Variants in SLC43A2 observed in about 807,000 individuals in gnomAD.
SLC43A2 encodes the protein large neutral amino acids transporter small subunit 4.
Under a neutral mutation model 63.2 loss-of-function variants are expected in SLC43A2, and 38 were observed. The ratio of observed to expected loss-of-function variants is 0.60; its 90% CI spans 0.46 to 0.79. The LOEUF (loss-of-function observed/expected upper bound fraction) is 0.79, where lower values mean the gene tolerates loss of function less well. Among genes scored for constraint, SLC43A2 ranks in the 30% least tolerant of loss-of-function variants. The probability of loss-of-function intolerance (pLI) is 0.00; values close to 1 mark genes in which losing one functional copy is unlikely to be tolerated. For synonymous variants in SLC43A2, 322 were observed against 331.0 expected, an observed-to-expected ratio of 0.97 and a Z score of 0.30; for missense variants, 644 against 756.2, an observed-to-expected ratio of 0.85 and a Z score of 1.74.
chr17:1,601,596 C>T (rs749432703), intron 5 of SLC43A2, among the ~76,000 whole-genome samples: 1 of 151,012 alleles, frequency 6.6e-6, no homozygotes, highest in Non-Finnish European at 1.5e-5. Context: ...GATGCAAAGG[C>T]GCTACTGAGC....
intron 5 of SLC43A2, among the ~76,000 whole-genome samples, chr17:1,597,403 G>C (rs980288701): frequency 7.9e-5 from 12 of 151,710 alleles, no homozygotes; most frequent in African/African-American, 2.7e-4. Flanking sequence ...TACTTGGGAG[G>C]CTGAGGCAGG....
At position 1,603,579 on chromosome 17, in the gene SLC43A2, T is replaced by A. The variant is rs571496624; in HGVS notation, c.501+9616A>T. On this transcript the variant is annotated intron_variant, in intron 5 of 13. Coordinates refer to ENST00000301335, the MANE Select transcript of SLC43A2 (RefSeq NM_152346.3). ...GCAGGGGATCACCTGAGGTCAGGAGTTCGAGACCAGCCTGGCCAATACGGT... is the reference window on the plus strand; with the variant it reads ...GCAGGGGATCACCTGAGGTCAGGAGATCGAGACCAGCCTGGCCAATACGGT... Among the ~76,000 whole-genome samples, 7 of 151,932 alleles carry A rather than the reference T, an allele frequency of 4.6e-5. No individual in the cohort carries two copies. The East Asian group carries it at 1.4e-3, about 29-fold the overall frequency.
intron 5 of SLC43A2, among the ~76,000 whole-genome samples, chr17:1,610,083 TG>T (rs1906962040): frequency 6.6e-6 from 1 of 151,554 alleles, no homozygotes; most frequent in Admixed American, 6.6e-5. Flanking sequence ...GTAATATTTT[TG>T]TATTTTTAGT....
upstream of SLC43A2, among the ~76,000 whole-genome samples, chr17:1,629,883 G>A (rs1370466874): frequency 1.3e-5 from 2 of 152,204 alleles, no homozygotes; most frequent in African/African-American, 2.4e-5. Flanking sequence ...AACCCGACCC[G>A]GGAAGACCCT....
rs1477474618 is a variant in SLC43A2 at position 1,605,129 on chromosome 17, C to A, written c.501+8066G>T. 1 of 1,294,594 alleles carries A rather than the reference C, an allele frequency of 7.7e-7. No individual in the cohort carries two copies. Among genetic ancestry groups the A allele is most frequent in the African/African-American group, 1.5e-5 (1 of 66,040 alleles). 80.2% of individuals were successfully genotyped at this position (1,294,594 alleles called of 1,614,324 possible). On this transcript the variant is annotated intron_variant, in intron 5 of 13. Transcript: ENST00000301335. The surrounding 1 kb of genome is among the most constrained non-coding windows in gnomAD (Gnocchi z 4.9). ...TCCCGCCCTCAGGTGCTTCCCACAG[C>A]CCCCTCGCCGCCTCTGCCTCCGTGC...
At position 1,578,148 on chromosome 17, in the gene SLC43A2, G is replaced by C; in HGVS notation, c.1424+102C>G. On this transcript the variant is annotated intron_variant, in intron 12 of 13. Coordinates refer to ENST00000301335, the MANE Select transcript of SLC43A2 (RefSeq NM_152346.3). The surrounding 1 kb of genome is among the most constrained non-coding windows in gnomAD (Gnocchi z 6.5). ...GAAGCAGGAAGATGAGCCCTTCTGG[G>C]ACAGGCTGACCCTGCCTCAGAGTCT... 5.1e-6 allele frequency: 6 copies of C among 1,187,126 alleles called. No individual in the cohort carries two copies. The highest frequency in any genetic ancestry group is 7.3e-6 in the Non-Finnish European group (6 of 817,682). The allele number at this position is 1,187,126 out of a possible 1,614,324, so 73.5% of individuals were successfully genotyped here.
Position 1,583,416 on chromosome 17 carries a change from G to C in SLC43A2, c.1218-80C>G. 1 of 1,583,250 alleles carries C rather than the reference G, an allele frequency of 6.3e-7. No individual in the cohort carries two copies. Among genetic ancestry groups the C allele is most frequent in the Non-Finnish European group, 8.6e-7 (1 of 1,162,718 alleles). ...GCTCCTGAGAAGTCAGGCCTCAAGC[G>C]TCGCAGCAGGTAAACTGACGCAAGA... On this transcript the variant is annotated intron_variant, in intron 10 of 13. Coordinates refer to ENST00000301335, the MANE Select transcript of SLC43A2 (RefSeq NM_152346.3). This position sits in a 1 kb window ranked among gnomAD's most constrained non-coding sequence, Gnocchi z 5.5.
chr17:1,580,470 C>T (rs562546788), intron 11 of SLC43A2, among the ~76,000 whole-genome samples: 3 of 152,340 alleles, frequency 2.0e-5, no homozygotes, highest in African/African-American at 7.2e-5. Flanking sequence ...CAAGCCTGGT[C>T]ACCCGGCCCT....
In SLC43A2 at chr17:1,575,004, A is replaced by G. The variant is rs1455202243; in HGVS notation, c.*600T>C. The G allele has an allele frequency of 6.3e-6, 1 of 158,132 alleles. No individual in the cohort carries two copies. Among genetic ancestry groups the G allele is most frequent in the African/African-American group, 2.4e-5 (1 of 41,462 alleles). The allele number at this position is 158,132 out of a possible 1,614,324, so 9.8% of individuals were successfully genotyped here. Reference sequence around the variant, plus strand: ...GCCCGCTAAACCCTCTCCAGGGCATAAGCCAGGTGGGGCTTCTCCACCGGC... The same window carrying G: ...GCCCGCTAAACCCTCTCCAGGGCATGAGCCAGGTGGGGCTTCTCCACCGGC... On this transcript the variant is annotated 3_prime_UTR_variant, in exon 14 of 14. Coordinates refer to ENST00000301335, the MANE Select transcript of SLC43A2 (RefSeq NM_152346.3).
rs1555541181 is a variant in SLC43A2, at chr17:1,600,152, ATTT to A, written c.502-6876_502-6874del. Reference sequence around the variant, plus strand: ...ATTAATTGAATATATATATATATATATTTTTTTTTTTTTTTTGAGACGGAGTCT... The same window carrying A: ...ATTAATTGAATATATATATATATATATTTTTTTTTTTTTGAGACGGAGTCT... On this transcript the variant is annotated intron_variant, in intron 5 of 13. Coordinates refer to ENST00000301335, the MANE Select transcript of SLC43A2 (RefSeq NM_152346.3). Among the ~76,000 whole-genome samples the A allele has an allele frequency of 2.5e-3, 152 of 60,262 alleles. 1 individual carries two copies. Among genetic ancestry groups the A allele is most frequent in the African/African-American group, 7.8e-3 (146 of 18,632 alleles). 39.5% of individuals were successfully genotyped at this position (60,262 alleles called of 152,430 possible). A position where few individuals can be genotyped will look rare whatever the true frequency, so the allele number is the denominator to read the frequency against.
rs2076059864 is a variant in SLC43A2 at position 1,583,956 on chromosome 17, T to C, written c.1218-620A>G. ...TGTCACCCGGGCTGGAGTGCAGTGGTGTGATCTCGGCTCATTGCCACCTCT... is the reference window on the plus strand; with the variant it reads ...TGTCACCCGGGCTGGAGTGCAGTGGCGTGATCTCGGCTCATTGCCACCTCT... On this transcript the variant is annotated intron_variant, in intron 10 of 13. Transcript: ENST00000301335. This position sits in a 1 kb window ranked among gnomAD's most constrained non-coding sequence, Gnocchi z 5.5. Among the ~76,000 whole-genome samples, 1 of 152,096 alleles carries C rather than the reference T, an allele frequency of 6.6e-6. No individual in the cohort carries two copies. The highest frequency in any genetic ancestry group is 2.1e-4 in the South Asian group (1 of 4,814).
At chr17:1,603,582 G>A (rs1251614380) in intron 5 of SLC43A2, among the ~76,000 whole-genome samples, 4 of 151,418 alleles carry the variant, frequency 2.6e-5, no homozygotes, top group African/African-American at 2.4e-5. Flanking sequence ...TCAGGAGTTC[G>A]AGACCAGCCT....
rs891520836 is a variant in SLC43A2 at position 1,593,623 on chromosome 17, G to A, written c.502-344C>T. Among the ~76,000 whole-genome samples, 9 of 152,162 alleles carry A rather than the reference G, an allele frequency of 5.9e-5. No homozygotes were observed. Among genetic ancestry groups the A allele is most frequent in the Admixed American group, 3.3e-4 (5 of 15,268 alleles). On this transcript the variant is annotated intron_variant, in intron 5 of 13. Transcript: ENST00000301335. This position sits in a 1 kb window ranked among gnomAD's most constrained non-coding sequence, Gnocchi z 5.3. ...CCAGAGAACAAAGTTATGAGCCTCAGGCAGCCCTCAAAGGGAGAAAGCCTG... is the reference window on the plus strand; with the variant it reads ...CCAGAGAACAAAGTTATGAGCCTCAAGCAGCCCTCAAAGGGAGAAAGCCTG...
At chr17:1,588,493 C>A (rs1368605922) in intron 9 of SLC43A2, among the ~76,000 whole-genome samples, 1 of 151,008 alleles carries the variant, frequency 6.6e-6, no homozygotes, top group East Asian at 1.9e-4. Flanking sequence ...GAGTTTGAGA[C>A]CAGCCTGGGA....
chr17:1,581,806 GTTTTTTTT>G (rs926906202), intron 11 of SLC43A2, among the ~76,000 whole-genome samples: 6 of 140,750 alleles, frequency 4.3e-5, no homozygotes, highest in Admixed American at 7.2e-5. Flanking sequence ...AAGAAATTCA[GTTTTTTTT>G]TTTTTTTTTG....
At position 1,578,397 on chromosome 17, in the gene SLC43A2, TG is replaced by T. The variant is rs1314660172; in HGVS notation, c.1351-75del. 7.0e-6 allele frequency: 10 copies of T among 1,432,560 alleles called. No homozygotes were observed. The highest frequency in any genetic ancestry group is 3.9e-6 in the Non-Finnish European group (4 of 1,036,954). The allele number at this position is 1,432,560 out of a possible 1,614,324, so 88.7% of individuals were successfully genotyped here. On this transcript the variant is annotated intron_variant, in intron 11 of 13. Coordinates refer to ENST00000301335, the MANE Select transcript of SLC43A2 (RefSeq NM_152346.3). The surrounding 1 kb of genome is among the most constrained non-coding windows in gnomAD (Gnocchi z 6.5). ...CCCTCAGCCCCCGCCCTCCAATTCC[TG>T]GGGGCCCTCACCCCAGGGGCAGTGT...
At chr17:1,615,507 A>G (rs1368821157) in intron 3 of SLC43A2, among the ~76,000 whole-genome samples, 1 of 151,068 alleles carries the variant, frequency 6.6e-6, no homozygotes, top group Non-Finnish European at 1.5e-5. Flanking sequence ...TGCTTGGGCA[A>G]CAACAGCAAA....
Position 1,573,414 on chromosome 17 carries a change from C to G in SLC43A2, c.*2190G>C, listed in dbSNP as rs1471024476. 2 of 152,266 alleles carry G rather than the reference C, an allele frequency of 1.3e-5. No homozygotes were observed. Among genetic ancestry groups the G allele is most frequent in the African/African-American group, 4.8e-5 (2 of 41,440 alleles). 9.4% of individuals were successfully genotyped at this position (152,266 alleles called of 1,614,324 possible). A position where few individuals can be genotyped will look rare whatever the true frequency, so the allele number is the denominator to read the frequency against. Reference sequence around the variant, plus strand: ...GGTGGCTCTGATGGTTCGAGCCGTTCCTCGGCAGCACAGCACACCCGCTCC... The same window carrying G: ...GGTGGCTCTGATGGTTCGAGCCGTTGCTCGGCAGCACAGCACACCCGCTCC... On this transcript the variant is annotated 3_prime_UTR_variant, in exon 14 of 14. Coordinates refer to ENST00000301335, the MANE Select transcript of SLC43A2 (RefSeq NM_152346.3).
intron 5 of SLC43A2, chr17:1,604,899 G>A (rs989712921): frequency 1.8e-5 from 27 of 1,534,114 alleles, no homozygotes; most frequent in South Asian, 1.2e-5. Flanking sequence ...TGCCTCCACC[G>A]GTCTCAGCTG....
Sources: allele counts gnomAD v4.1 joint callset (sites outside exome capture counted in the v4.1 genomes callset), GRCh38; gene constraint gnomAD v4.1.1; non-coding constraint Gnocchi (gnomAD v3.1); transcripts MANE v1.5; gene names NCBI Gene and HGNC (gene_info 2026-07-23, HGNC 2026-07-21).